Variants in SAP30BP observed in about 807,000 individuals in gnomAD.
SAP30BP encodes SAP30 binding protein, also known as SAP30-binding protein.
A neutral mutation model predicts 46.3 loss-of-function variants in SAP30BP; 31 were observed. The ratio of observed to expected loss-of-function variants is 0.67; its 90% confidence interval spans 0.50 to 0.90. The LOEUF (loss-of-function observed/expected upper bound fraction) is 0.90. Ranked by LOEUF, SAP30BP falls within the 40% of genes least tolerant of loss-of-function variation. The pLI is 0.00. For synonymous variants in SAP30BP, 169 were observed against 144.2 expected (o/e 1.17, Z -1.23); for missense variants, 312 against 391.0 (o/e 0.80, Z 1.70).
intron 3 of SAP30BP, 64 bp downstream of exon 3, chr17:75,671,927 G>C: frequency 7.8e-7 from 1 of 1,280,556 alleles, no homozygotes; most frequent in Non-Finnish European, 1.1e-6. Context: ...CTGTGGCTCA[G>C]TTCGTATGTT....
chr17:75,674,697 G>GTTTTGTTTTTTTT (rs2059960269), intron 3 of SAP30BP, among the ~76,000 whole-genome samples: 1 of 61,504 alleles, frequency 1.6e-5, no homozygotes. Flanking sequence ...TTTGTTTTTT[G>GTTTTGTTTTTTTT]TTTTTTTTTT....
chr17:75,672,167 G>A, intron 3 of SAP30BP: 2 of 379,300 alleles, frequency 5.3e-6, no homozygotes, highest in South Asian at 5.6e-5. Flanking sequence ...GGCTTTAAGT[G>A]TCACTGCCCT....
intron 3 of SAP30BP, among the ~76,000 whole-genome samples, chr17:75,680,150 G>A (rs1177750905): frequency 1.3e-5 from 2 of 152,076 alleles, no homozygotes; most frequent in Non-Finnish European, 2.9e-5. Flanking sequence ...TCCCTGAGGT[G>A]CTGATCTAGG....
intron 3 of SAP30BP, among the ~76,000 whole-genome samples, chr17:75,677,105 ACTT>A (rs1374489450): frequency 8.5e-6 from 1 of 117,666 alleles, no homozygotes; most frequent in African/African-American, 2.8e-5. Flanking sequence ...CTGGCAGAAA[ACTT>A]TTTTTTTTTT....
In SAP30BP at chr17:75,682,760, A is replaced by G. The variant is rs755695776; in HGVS notation, c.265-10680A>G. Reference sequence around the variant, plus strand: ...GGGCGAATCACGAGGTCAGGATATCAAGACCATCCTGGCCAACATAGTGAA... The same window carrying G: ...GGGCGAATCACGAGGTCAGGATATCGAGACCATCCTGGCCAACATAGTGAA... On this transcript the variant is annotated intron_variant, in intron 3 of 10. Coordinates refer to ENST00000584667, the MANE Select transcript of SAP30BP (RefSeq NM_013260.8). Among the ~76,000 whole-genome samples the G allele has an allele frequency of 2.5e-4, 38 of 150,376 alleles. No individual in the cohort carries two copies. In the East Asian group the frequency reaches 2.7e-3, roughly 11 times the overall value.
intron 5 of SAP30BP, 29 bp from the exon 6 acceptor site, chr17:75,702,451 C>A (rs374511898): frequency 9.4e-7 from 1 of 1,058,894 alleles, no homozygotes. Flanking sequence ...TGTCATACAC[C>A]CCCCCACCCC....
intron 9 of SAP30BP, 114 bp from the exon 10 acceptor site, chr17:75,705,894 C>A: frequency 6.8e-7 from 1 of 1,465,028 alleles, no homozygotes; most frequent in Non-Finnish European, 9.3e-7. Flanking sequence ...GAGTTCATTT[C>A]CAATGCCTCT....
Position 75,706,258 on chromosome 17 carries a change from ACT to A in SAP30BP, c.746-80_746-79del. The stretch of plus-strand genomic sequence containing the variant: ...GGCCACTTCGGGGTCTGCTCCCTAG[ACT>A]CCCGCTGGCCTGCAGGGGGAAGGGA... On this transcript the variant is annotated intron_variant, in intron 10 of 10. Transcript: ENST00000584667. The surrounding 1 kb of genome is among the most constrained non-coding windows in gnomAD (Gnocchi z 4.6). 1 of 1,550,476 alleles carries A rather than the reference ACT, an allele frequency of 6.4e-7. No homozygotes were observed. Among genetic ancestry groups the A allele is most frequent in the Non-Finnish European group, 8.8e-7 (1 of 1,140,672 alleles).
intron 3 of SAP30BP, among the ~76,000 whole-genome samples, chr17:75,679,141 C>T (rs536120415): frequency 5.8e-4 from 88 of 152,076 alleles, no homozygotes; most frequent in Admixed American, 4.5e-3. Flanking sequence ...GGACTACAGG[C>T]GCCCGCCACC....
In SAP30BP at chr17:75,688,959, G is replaced by A. The variant is rs182911018; in HGVS notation, c.265-4481G>A. ...CTCCAGGGACAGCGCCCAGTGTGCC[G>A]CAGCCGCCTCCTGCTCTGGTTGTTG... is the stretch of plus-strand genomic sequence containing the variant. On this transcript the variant is annotated intron_variant, in intron 3 of 10. Transcript: ENST00000584667. Among the ~76,000 whole-genome samples the A allele has an allele frequency of 3.5e-3, 526 of 152,172 alleles. 4 individuals are homozygous for A. Among genetic ancestry groups the A allele is most frequent in the African/African-American group, 0.011 (450 of 41,504 alleles).
chr17:75,670,189 G>T (rs573612555), intron 2 of SAP30BP, among the ~76,000 whole-genome samples: 11 of 152,156 alleles, frequency 7.2e-5, no homozygotes, highest in African/African-American at 2.4e-4. Flanking sequence ...GGGCATGGTG[G>T]TACGCACCTG....
chr17:75,683,050 A>T (rs868409414), intron 3 of SAP30BP, among the ~76,000 whole-genome samples: 2,583 of 137,390 alleles, frequency 0.019, 32 homozygotes, highest in South Asian at 0.033. Context: ...TTATTTATTT[A>T]TTTATTTTTT....
chr17:75,677,752 G>GC (rs1445798985), intron 3 of SAP30BP, among the ~76,000 whole-genome samples: 10 of 130,138 alleles, frequency 7.7e-5, no homozygotes, highest in Non-Finnish European at 1.4e-4. Context: ...ATTACACCCA[G>GC]CCCTTTTTTT....
Position 75,699,836 on chromosome 17 carries a change from C to T in SAP30BP, c.361C>T (p.Pro121Ser), listed in dbSNP as rs2060380152. The change falls in exon 5 of 11, where the codon CCA becomes TCA. Residue 121 changes from proline to serine, a missense_variant. Coordinates refer to ENST00000584667, the MANE Select transcript of SAP30BP (RefSeq NM_013260.8). ...NMSPDEIKIPPEPPGRCSNHL... is the reference protein window; with the variant it reads ...NMSPDEIKIPSEPPGRCSNHL... ...GTCGCCTGATGAAATCAAGATCCCG[C>T]CAGAACCCCCTGGCAGATGTTCAAA... The T allele has an allele frequency of 1.2e-6, 2 of 1,613,434 alleles. No homozygotes were observed. The highest frequency in any genetic ancestry group is 1.7e-6 in the Non-Finnish European group (2 of 1,179,466).
At chr17:75,699,929 T>A in intron 5 of SAP30BP, 58 bp downstream of exon 5, 1 of 1,297,866 alleles carries the variant, frequency 7.7e-7, no homozygotes, top group Non-Finnish European at 1.1e-6. Flanking sequence ...GGTTACGTGT[T>A]TGGTTTGGTC....
intron 3 of SAP30BP, among the ~76,000 whole-genome samples, chr17:75,678,786 G>A (rs912747316): frequency 2.6e-5 from 4 of 152,132 alleles, no homozygotes; most frequent in African/African-American, 9.7e-5. Context: ...CAGAAGACTC[G>A]GGAAGAGCCG....
In SAP30BP at chr17:75,668,519, A is replaced by T; in HGVS notation, c.110A>T (p.Glu37Val). 6.5e-7 allele frequency: 1 copy of T among 1,542,726 alleles called. No individual in the cohort carries two copies. The highest frequency in any genetic ancestry group is 8.8e-7 in the Non-Finnish European group (1 of 1,142,636). The change falls in exon 2 of 11, where the codon GAG (glutamate) becomes GTG (valine). Residue 37 changes from glutamate (E) to valine (V), a missense_variant. Physicochemically the swap from Glu to Val is moderately radical, Grantham distance 121 (BLOSUM62 -2). Coordinates refer to ENST00000584667, the MANE Select transcript of SAP30BP (RefSeq NM_013260.8). ...GIEAVGSAAE[E>V]KGGLVSDAYG... The stretch of plus-strand genomic sequence containing the variant: ...TGTTTGTTTTTTAACCTTTCAGAGG[A>T]GAAAGGCGGATTGGTATCTGATGCC...
intron 4 of SAP30BP, among the ~76,000 whole-genome samples, chr17:75,694,241 G>T (rs995095929): frequency 2.0e-5 from 3 of 152,080 alleles, no homozygotes; most frequent in Non-Finnish European, 4.4e-5. Flanking sequence ...GGGGTTCTGA[G>T]CCCAGGGACC....
chr17:75,668,573 G>GGGGTGAT lies in SAP30BP; in HGVS notation c.166_172dup (p.Glu58GlyfsTer2), dbSNP rs1469787157. The GGGGTGAT allele has an allele frequency of 6.2e-7, 1 of 1,606,308 alleles. No individual in the cohort carries two copies. Among genetic ancestry groups the GGGGTGAT allele is most frequent in the Non-Finnish European group, 8.5e-7 (1 of 1,177,050 alleles). ...GGGGAGGATGACTTTTCTCGTCTAG[G>GGGGTGAT]GGGTGATGAAGATGGTTATGAAGAA... is the stretch of plus-strand genomic sequence containing the variant. On this transcript the variant is annotated frameshift_variant, in exon 2 of 11. Transcript: ENST00000584667. LOFTEE classifies it high-confidence loss of function.
Sources: allele counts gnomAD v4.1 joint callset (sites outside exome capture counted in the v4.1 genomes callset), GRCh38; gene constraint gnomAD v4.1.1; non-coding constraint Gnocchi (gnomAD v3.1); transcripts MANE v1.5; gene names NCBI Gene and HGNC (gene_info 2026-07-23, HGNC 2026-07-21).